Variants in RBFOX1 observed in about 807,000 individuals in gnomAD.
RBFOX1 encodes the protein RNA binding fox-1 homolog 1.
RBFOX1 carries 8 observed loss-of-function variants against 57.7 expected under a neutral mutation model. That is an observed-to-expected ratio of 0.14 (90% CI 0.08 to 0.25). The LOEUF (loss-of-function observed/expected upper bound fraction) is 0.25, where lower values mean the gene tolerates loss of function less well. Among genes scored for constraint, RBFOX1 ranks in the 10% least tolerant of loss-of-function variants. RBFOX1 has a pLI of 1.00. For synonymous variants in RBFOX1, 326 were observed against 222.4 expected, an observed-to-expected ratio of 1.47 and a Z score of -4.15; for missense variants, 611 against 548.5, an observed-to-expected ratio of 1.11 and a Z score of -1.14.
chr16:6,676,233 A>C (rs2057660425), intron 3 of RBFOX1, among the ~76,000 whole-genome samples: 1 of 151,846 alleles, frequency 6.6e-6, no homozygotes, highest in Admixed American at 6.6e-5. Context: ...AGTAGAGGTG[A>C]GTGTTGTAGT....
intron 3 of RBFOX1, among the ~76,000 whole-genome samples, chr16:6,988,840 C>G (rs557341197): frequency 2.0e-5 from 3 of 151,270 alleles, no homozygotes; most frequent in Non-Finnish European, 4.4e-5. Context: ...GGCATAATCT[C>G]GGCTCACTGC....
At chr16:6,718,353 A>G (rs959001845) in intron 3 of RBFOX1, among the ~76,000 whole-genome samples, 1 of 152,172 alleles carries the variant, frequency 6.6e-6, no homozygotes, top group Non-Finnish European at 1.5e-5. Flanking sequence ...TTTTAGTGGG[A>G]GAGATAGATG....
chr16:6,211,185 C>CCATGAGACAGGGTGTTTTTTTA (rs1426493154), intron 1 of RBFOX1, among the ~76,000 whole-genome samples: 1 of 123,218 alleles, frequency 8.1e-6, no homozygotes. Context: ...GTGTTTTCTT[C>CCATGAGACAGGGTGTTTTTTTA]TTCTTTTTTT....
intron 2 of RBFOX1, among the ~76,000 whole-genome samples, chr16:6,544,945 G>A (rs915219401): frequency 6.6e-6 from 1 of 152,294 alleles, no homozygotes; most frequent in South Asian, 2.1e-4. Flanking sequence ...TTTTCTTACA[G>A]AGGATTAGGC....
intron 3 of RBFOX1, among the ~76,000 whole-genome samples, chr16:5,643,323 C>T (rs745919449): frequency 6.6e-6 from 1 of 152,128 alleles, no homozygotes; most frequent in Non-Finnish European, 1.5e-5. Context: ...GTGTGGCTGC[C>T]CCCTGCTCAC....
chr16:7,219,657 A>C (rs1401713962), intron 4 of RBFOX1, among the ~76,000 whole-genome samples: 1 of 152,216 alleles, frequency 6.6e-6, no homozygotes, highest in African/African-American at 2.4e-5. Context: ...AACTCGGAGT[A>C]AAACTGGCTC....
chr16:6,779,067 ACTAT>A (rs2079888773), intron 3 of RBFOX1, among the ~76,000 whole-genome samples: 1 of 152,078 alleles, frequency 6.6e-6, no homozygotes, highest in Admixed American at 6.6e-5. Context: ...ATTATTGTTA[ACTAT>A]AGTTGTCCTA....
intron 1 of RBFOX1, among the ~76,000 whole-genome samples, chr16:5,434,610 TG>T (rs2151521867): frequency 6.6e-6 from 1 of 152,246 alleles, no homozygotes; most frequent in South Asian, 2.1e-4. Flanking sequence ...AGAGCCACCA[TG>T]CCCAGCCTTG....
intron 4 of RBFOX1, among the ~76,000 whole-genome samples, chr16:7,219,294 G>A (rs866120852): frequency 1.3e-5 from 2 of 152,206 alleles, no homozygotes; most frequent in African/African-American, 2.4e-5. Context: ...GTTAAGGACT[G>A]TAAGACACAG....
rs1173415290 is a variant in RBFOX1 at position 6,513,046 on chromosome 16, C to T, written c.-63-141557C>T. Among the ~76,000 whole-genome samples the T allele has an allele frequency of 2.6e-5, 4 of 152,180 alleles. No homozygotes were observed. The East Asian group carries it at 7.7e-4, about 29-fold the overall frequency. The stretch of plus-strand genomic sequence containing the variant: ...CCCACTGTGAAAATACAAAATAGCA[C>T]ATCAATCAATATGGCACAGTATTGA... On this transcript the variant is annotated intron_variant, in intron 2 of 15. Transcript: ENST00000550418.
At chr16:5,482,200 C>T (rs913422609) in intron 2 of RBFOX1, among the ~76,000 whole-genome samples, 11 of 152,124 alleles carry the variant, frequency 7.2e-5, no homozygotes, top group African/African-American at 2.2e-4. Context: ...CCTTTTGTTC[C>T]AGATGAGCCA....
chr16:5,405,351 A>G (rs147463157), intron 1 of RBFOX1, among the ~76,000 whole-genome samples: 1 of 152,212 alleles, frequency 6.6e-6, no homozygotes, highest in African/African-American at 2.4e-5. Context: ...TGCTGTTCTC[A>G]TGATAGTAAG....
intron 2 of RBFOX1, among the ~76,000 whole-genome samples, chr16:6,523,291 G>C (rs914430113): frequency 6.6e-6 from 1 of 152,126 alleles, no homozygotes; most frequent in Non-Finnish European, 1.5e-5. Context: ...GGGGGGGTTA[G>C]TACTGGCAAT....
At chr16:5,433,600 C>T (rs992546320) in intron 1 of RBFOX1, among the ~76,000 whole-genome samples, 1 of 152,184 alleles carries the variant, frequency 6.6e-6, no homozygotes, top group Non-Finnish European at 1.5e-5. Context: ...AAAATAGCAT[C>T]TATTTTATCC....
At chr16:5,971,216 A>G (rs971624991) in intron 4 of RBFOX1, among the ~76,000 whole-genome samples, 3 of 152,218 alleles carry the variant, frequency 2.0e-5, no homozygotes, top group Non-Finnish European at 4.4e-5. Flanking sequence ...TCCTCAAGGA[A>G]TTTATATCAC....
chr16:5,423,622 C>T (rs1048905015), intron 1 of RBFOX1, among the ~76,000 whole-genome samples: 4 of 152,134 alleles, frequency 2.6e-5, no homozygotes, highest in Non-Finnish European at 4.4e-5. Context: ...TGAGCAGGGG[C>T]GGCCCATCCT....
At chr16:6,766,021 A>T (rs2154206744) in intron 3 of RBFOX1, among the ~76,000 whole-genome samples, 1 of 152,284 alleles carries the variant, frequency 6.6e-6, no homozygotes, top group South Asian at 2.1e-4. Context: ...CTACCTATTT[A>T]GTACAACGTA....
chr16:6,583,200 C>T (rs766501454), intron 2 of RBFOX1, among the ~76,000 whole-genome samples: 12 of 152,296 alleles, frequency 7.9e-5, no homozygotes, highest in Admixed American at 2.0e-4. Flanking sequence ...AGGAGTAGTT[C>T]TAATGGGTCC....
rs976357828 is a variant in RBFOX1 at position 5,408,144 on chromosome 16, G to A, written c.220-59072G>A. On this transcript the variant is annotated intron_variant, in intron 1 of 2. Transcript: ENST00000585867. ...CTGTCCAGTTGTGGGGCAAGGTGGT[G>A]CATTTTCAGCTGCTCGTGGTGTTTG... is the stretch of plus-strand genomic sequence containing the variant. 1.6e-4 allele frequency among the ~76,000 whole-genome samples: 25 copies of A among 152,302 alleles called. 2 individuals are homozygous for A. Among genetic ancestry groups the A allele is most frequent in the Admixed American group, 5.9e-4 (9 of 15,304 alleles).
Sources: gnomAD v4.1 joint callset for allele counts (sites outside exome capture counted in the v4.1 genomes callset) on GRCh38, gnomAD v4.1.1 for gene constraint, MANE v1.5 for transcripts, NCBI Gene and HGNC (gene_info 2026-07-23, HGNC 2026-07-21) for gene names.